The following PTCH2 variants were observed in gnomAD, a reference collection of about 807,000 sequenced individuals.
PTCH2 encodes protein patched homolog 2.
A neutral mutation model predicts 117.9 loss-of-function variants in PTCH2; 96 were observed. The observed-to-expected ratio is 0.81, with a 90% confidence interval of 0.69 to 0.96. PTCH2 has a LOEUF of 0.96. Among genes scored for constraint, PTCH2 ranks in the 50% least tolerant of loss-of-function variants. The probability of loss-of-function intolerance (pLI) is 0.00; values close to 1 mark genes in which losing one functional copy is unlikely to be tolerated. For synonymous variants in PTCH2, 615 were observed against 660.9 expected, an observed-to-expected ratio of 0.93 and a Z score of 1.06; for missense variants, 1,379 against 1,562.5, an observed-to-expected ratio of 0.88 and a Z score of 1.98.
intron 8 of PTCH2, 34 bp from the exon 9 acceptor site, chr1:44,829,567 G>A (rs2148877836): frequency 6.2e-7 from 1 of 1,614,182 alleles, no homozygotes; most frequent in East Asian, 2.2e-5. Context: ...GGGGGCAGGA[G>A]GAGGGAATGG....
chr1:44,825,294 C>T (rs1414675524), intron 19 of PTCH2, among the ~76,000 whole-genome samples: 1 of 151,920 alleles, frequency 6.6e-6, no homozygotes, highest in Non-Finnish European at 1.5e-5. Flanking sequence ...TGCACCCCCA[C>T]ACCCAGCTAA....
Position 44,831,614 on chromosome 1 carries a change from A to C in PTCH2, c.617+92T>G. 1 of 1,291,414 alleles carries C rather than the reference A, an allele frequency of 7.7e-7. No individual in the cohort carries two copies. The highest frequency in any genetic ancestry group is 1.1e-6 in the Non-Finnish European group (1 of 912,030). The allele number at this position is 1,291,414 out of a possible 1,614,324, so 80.0% of individuals were successfully genotyped here. ...CTGGGAGGTAATTAGGACCTTGGTA[A>C]GGTTTTGATCATCCTCATTCCCCAG... On this transcript the variant is annotated intron_variant, in intron 5 of 21. Transcript: ENST00000372192. The surrounding 1 kb of genome is among the most constrained non-coding windows in gnomAD (Gnocchi z 4.3).
In PTCH2 at chr1:44,832,866, G is replaced by A. The variant is rs11211041; in HGVS notation, c.266-525C>T. Among the ~76,000 whole-genome samples the A allele has an allele frequency of 1.4e-3, 215 of 152,272 alleles. 4 individuals carry two copies. The East Asian group carries it at 0.04, about 28-fold the overall frequency. ...GTGATTTATATCCACACACCTTTCT[G>A]CAAAGTGTCCTAAGGAGAGGGCAGG... On this transcript the variant is annotated intron_variant, in intron 2 of 21. Coordinates refer to ENST00000372192, the MANE Select transcript of PTCH2 (RefSeq NM_003738.5).
intron 2 of PTCH2, among the ~76,000 whole-genome samples, chr1:44,833,294 T>C (rs1653539490): frequency 6.6e-6 from 1 of 152,116 alleles, no homozygotes; most frequent in South Asian, 2.1e-4. Flanking sequence ...CTTTGCGGAT[T>C]TGGTCTGATC....
downstream of PTCH2, chr1:44,820,053 G>A (rs929262276): frequency 4.4e-4 from 97 of 219,880 alleles, no homozygotes; most frequent in South Asian, 1.7e-3. Context: ...ACACACTTAT[G>A]GTTGTTGGAT....
Position 44,828,133 on chromosome 1 carries a change from G to T in PTCH2, c.1768C>A (p.Pro590Thr), listed in dbSNP as rs776592479. Reference protein sequence around the residue: ...LPQELGDGTVPVGIAHLTATV... With the variant: ...LPQELGDGTVTVGIAHLTATV... ...GCAGTGAGGTGGGCAATGCCCACTG[G>T]TACTGTCCCGTCCCCCAGCTCCTGG... The change falls in exon 14 of 22, where the codon CCA becomes ACA. Residue 590 changes from proline (P) to threonine (T), a missense_variant. Pro to Thr is a conservative substitution (Grantham distance 38). Coordinates refer to ENST00000372192, the MANE Select transcript of PTCH2 (RefSeq NM_003738.5). The T allele has an allele frequency of 8.1e-6, 13 of 1,613,824 alleles. No individual in the cohort carries two copies. The East Asian group carries it at 2.7e-4, about 33-fold the overall frequency.
downstream of PTCH2, among the ~76,000 whole-genome samples, chr1:44,821,315 C>A (rs527862224): frequency 4.6e-5 from 7 of 152,364 alleles, no homozygotes; most frequent in Admixed American, 2.0e-4. Context: ...TCCTCACTAA[C>A]TGCTAGCACC....
In PTCH2 at chr1:44,829,729, A is replaced by G. The variant is rs1162100868; in HGVS notation, c.968T>C (p.Met323Thr). The G allele has an allele frequency of 6.2e-7, 1 of 1,614,112 alleles. No homozygotes were observed. The highest frequency in any genetic ancestry group is 1.7e-5 in the Admixed American group (1 of 60,012). The change falls in exon 8 of 22, where the codon ATG becomes ACG. Residue 323 changes from methionine to threonine, a missense_variant. Transcript: ENST00000372192. ...ATGCTCGTACAGCTGGCGGGGACTC[A>G]TCAGCAAGAAGGTGCTCTGCAGGGC... The part of the protein sequence containing the change: ...AEALQSTFLL[M>T]SPRQLYEHFR...
Position 44,832,179 on chromosome 1 carries a change from C to T in PTCH2, c.428G>A (p.Ser143Asn), listed in dbSNP as rs1308390124. ...CCCATAGAGTGATACTTGGACTTTACTGGCAGTGAGGGCTGCCTGGAGGTG... is the reference window on the plus strand; with the variant it reads ...CCCATAGAGTGATACTTGGACTTTATTGGCAGTGAGGGCTGCCTGGAGGTG... ...GLHLQAALTA[S>N]KVQVSLYGKS... is the part of the protein sequence containing the mutation. Residue 143 changes from serine to asparagine, a missense_variant, in exon 3 of 22, where the codon AGT becomes AAT. Coordinates refer to ENST00000372192, the MANE Select transcript of PTCH2 (RefSeq NM_003738.5). 1.9e-6 allele frequency: 3 copies of T among 1,614,164 alleles called. No individual in the cohort carries two copies. The highest frequency in any genetic ancestry group is 2.5e-6 in the Non-Finnish European group (3 of 1,180,030).
At chr1:44,820,506 A>G (rs950404176), downstream of PTCH2, 1 of 682,806 alleles carries the variant, frequency 1.5e-6, no homozygotes, top group African/African-American at 1.8e-5. Context: ...CTCCTGGAGG[A>G]GATGGCATCC....
chr1:44,825,674 G>A (rs775446094), intron 19 of PTCH2, among the ~76,000 whole-genome samples: 4 of 151,750 alleles, frequency 2.6e-5, no homozygotes, highest in Non-Finnish European at 4.4e-5. Flanking sequence ...TTACAGGCAT[G>A]AGCCACCACG....
chr1:44,829,021 C>A lies in PTCH2; in HGVS notation c.1425G>T (p.Ala475=). Residue 475 remains alanine, a synonymous_variant, in exon 11 of 22, where the codon GCG becomes GCT. Coordinates refer to ENST00000372192, the MANE Select transcript of PTCH2 (RefSeq NM_003738.5). The part of the protein sequence containing the change: ...GIGVDDVFLL[A]HAFTEALPGT... ...CAGGCAGAGCCTCTGTGAAGGCATGCGCCAGCAGGAATACGTCATCCACGC... is the reference window on the plus strand; with the variant it reads ...CAGGCAGAGCCTCTGTGAAGGCATGAGCCAGCAGGAATACGTCATCCACGC... 1 of 1,578,548 alleles carries A rather than the reference C, an allele frequency of 6.3e-7. No individual in the cohort carries two copies.
chr1:44,829,698 C>T lies in PTCH2; in HGVS notation c.999G>A (p.Arg333=). 6.2e-7 allele frequency: 1 copy of T among 1,614,200 alleles called. No homozygotes were observed. The highest frequency in any genetic ancestry group is 8.5e-7 in the Non-Finnish European group (1 of 1,180,036). The change falls in exon 8 of 22, where the codon CGG becomes CGA. Residue 333 remains arginine (R), a synonymous_variant. Transcript: ENST00000372192. ...MSPRQLYEHF[R]GDYQTHDIGW... is the part of the protein sequence containing the mutation. ...CAATGTCATGTGTCTGATAGTCACC[C>T]CGGAAATGCTCGTACAGCTGGCGGG...
chr1:44,838,283 G>A (rs11573555), intron 2 of PTCH2, among the ~76,000 whole-genome samples: 211 of 152,206 alleles, frequency 1.4e-3, no homozygotes, highest in African/African-American at 4.6e-3. Context: ...CTCTTGTTGC[G>A]CAGGCTGGAG....
downstream of PTCH2, chr1:44,820,009 C>T (rs573710480): frequency 5.1e-5 from 8 of 157,890 alleles, no homozygotes; most frequent in South Asian, 3.0e-4. Context: ...TTCGTGACTT[C>T]CGCTTCGAAC....
chr1:44,827,239 A>G lies in PTCH2; in HGVS notation c.2442T>C (p.Ser814=). ...GCTTGTAGGCCAGGGCCCCATCCTC[A>G]GAGCCATTGCGGTACGAGTGGCGGG... ...RITRHSYRNG[S]EDGALAYKLL... The change falls in exon 16 of 22, where the codon TCT becomes TCC. Residue 814 remains serine (S), a synonymous_variant. Transcript: ENST00000372192. 6.2e-7 allele frequency: 1 copy of G among 1,614,160 alleles called. No homozygotes were observed.
rs1382444662 is a variant in PTCH2 at position 44,828,538 on chromosome 1, G to C, written c.1558C>G (p.Pro520Ala). ...GAGAAGGCTCGCAGCGCAGGGATGG[G>C]AACGAGGGCAGCCATGAGGAAGGCG... ...MAAFLMAALV[P>A]IPALRAFSLQ... is the part of the protein sequence containing the mutation. The change falls in exon 12 of 22, where the codon CCC (proline) becomes GCC (alanine). Residue 520 changes from proline (P) to alanine (A), a missense_variant. By Grantham distance (27) the Pro-to-Ala change is conservative (BLOSUM62 -1). Transcript: ENST00000372192. 1 of 1,613,980 alleles carries C rather than the reference G, an allele frequency of 6.2e-7. No homozygotes were observed. Among genetic ancestry groups the C allele is most frequent in the Non-Finnish European group, 8.5e-7 (1 of 1,180,034 alleles).
At chr1:44,842,506 T>A (rs1461944333) in intron 1 of PTCH2, among the ~76,000 whole-genome samples, 1 of 152,126 alleles carries the variant, frequency 6.6e-6, no homozygotes, top group Non-Finnish European at 1.5e-5. Flanking sequence ...CTCGAACTCC[T>A]GACCTCAGGT....
At chr1:44,821,901 C>G (rs377552246), downstream of PTCH2, 445 of 1,364,952 alleles carry the variant, frequency 3.3e-4, 3 homozygotes, top group African/African-American at 6.2e-3. Context: ...GCAAACTCCC[C>G]ACTCTGTCCA....
Sources: gnomAD v4.1 joint callset for allele counts (sites outside exome capture counted in the v4.1 genomes callset) on GRCh38, gnomAD v4.1.1 for gene constraint, Gnocchi (gnomAD v3.1) non-coding constraint, MANE v1.5 for transcripts, NCBI Gene and HGNC (gene_info 2026-07-23, HGNC 2026-07-21) for gene names.